RPRD2: variants seen among roughly 807,000 people sequenced by gnomAD.
RPRD2 encodes regulation of nuclear pre-mRNA domain-containing protein 2.
In RPRD2, 12 loss-of-function variants were observed where a neutral mutation model predicts 104.4. The observed-to-expected ratio is 0.11, with a 90% CI of 0.07 to 0.19. The LOEUF (loss-of-function observed/expected upper bound fraction) is 0.19, where lower values mean the gene tolerates loss of function less well. Among genes scored for constraint, RPRD2 ranks in the 10% least tolerant of loss-of-function variants. The probability of loss-of-function intolerance (pLI) is 1.00; values close to 1 mark genes in which losing one functional copy is unlikely to be tolerated. For synonymous variants in RPRD2, 714 were observed against 684.9 expected (o/e 1.04, Z -0.66); for missense variants, 1,543 against 1,790.1 (o/e 0.86, Z 2.49).
intron 2 of RPRD2, among the ~76,000 whole-genome samples, chr1:150,435,037 A>G (rs367948213): frequency 6.6e-6 from 1 of 152,124 alleles, no homozygotes; most frequent in African/African-American, 2.4e-5. Flanking sequence ...ACATATGCTC[A>G]TTCATGTCTC....
intron 2 of RPRD2, among the ~76,000 whole-genome samples, chr1:150,438,060 G>A (rs981359873): frequency 1.1e-4 from 16 of 149,846 alleles, no homozygotes; most frequent in Non-Finnish European, 2.1e-4. Context: ...GAGGCAGGCA[G>A]ATCATGAGGT....
At chr1:150,403,665 G>T (rs74589051) in intron 1 of RPRD2, among the ~76,000 whole-genome samples, 39,900 of 150,102 alleles carry the variant, frequency 0.27, 6,411 homozygotes, top group African/African-American at 0.45. Flanking sequence ...ATTTTTTTTT[G>T]TGTGTGACAG....
At chr1:150,367,078 G>C (rs1287565849) in intron 1 of RPRD2, among the ~76,000 whole-genome samples, 1 of 152,198 alleles carries the variant, frequency 6.6e-6, no homozygotes, top group Admixed American at 6.5e-5. Context: ...GGAGGGCAGT[G>C]TGTCAGTTGA....
chr1:150,413,820 G>A (rs1191664099), intron 1 of RPRD2, among the ~76,000 whole-genome samples: 1 of 151,438 alleles, frequency 6.6e-6, no homozygotes, highest in Non-Finnish European at 1.5e-5. Flanking sequence ...AGCTACTCGG[G>A]AGGCTGAGGC....
intron 1 of RPRD2, among the ~76,000 whole-genome samples, chr1:150,401,361 G>T (rs587745291): frequency 2.0e-5 from 3 of 152,034 alleles, no homozygotes; most frequent in African/African-American, 7.2e-5. Context: ...GGTGGTGCAA[G>T]CCTGTAGTTA....
chr1:150,429,996 G>A (rs1553891311), intron 2 of RPRD2, among the ~76,000 whole-genome samples: 1 of 152,202 alleles, frequency 6.6e-6, no homozygotes, highest in Non-Finnish European at 1.5e-5. Context: ...TGTGTAATTA[G>A]CTCCCCCTGG....
chr1:150,443,256 C>G lies in RPRD2; in HGVS notation c.540C>G (p.Leu180=). ...CATCTACAAATCCAAAAGCTGCTCT[C>G]AAGTCTAAGATAGTTGCTGAATTTC... ...SQTSTNPKAA[L]KSKIVAEFRS... Residue 180 remains leucine (L), a synonymous_variant, in exon 5 of 11, where the codon CTC becomes CTG. Coordinates refer to ENST00000369068, the MANE Select transcript of RPRD2 (RefSeq NM_015203.5). 6.3e-7 allele frequency: 1 copy of G among 1,577,446 alleles called. No homozygotes were observed. The highest frequency in any genetic ancestry group is 8.6e-7 in the Non-Finnish European group (1 of 1,159,932).
At chr1:150,381,694 C>T (rs868985101) in intron 1 of RPRD2, among the ~76,000 whole-genome samples, 1 of 151,834 alleles carries the variant, frequency 6.6e-6, no homozygotes, top group Non-Finnish European at 1.5e-5. Context: ...TTAGTAGAGA[C>T]GGGGTTTCAC....
chr1:150,379,724 A>G (rs1392208479), intron 1 of RPRD2, among the ~76,000 whole-genome samples: 1 of 151,970 alleles, frequency 6.6e-6, no homozygotes, highest in African/African-American at 2.4e-5. Context: ...TTTAGTAGAG[A>G]TGGGATTTCA....
At chr1:150,396,377 C>G (rs982372272) in intron 1 of RPRD2, among the ~76,000 whole-genome samples, 1 of 151,974 alleles carries the variant, frequency 6.6e-6, no homozygotes. Flanking sequence ...AGCTTTATAT[C>G]TTTGTTTTTA....
chr1:150,452,552 C>T (rs1204181825), intron 7 of RPRD2, among the ~76,000 whole-genome samples: 2 of 151,838 alleles, frequency 1.3e-5, no homozygotes, highest in African/African-American at 2.4e-5. Context: ...GGACTTGAAT[C>T]CTATTTACTC....
intron 1 of RPRD2, among the ~76,000 whole-genome samples, chr1:150,380,778 C>T (rs1661067909): frequency 6.6e-6 from 1 of 152,108 alleles, no homozygotes; most frequent in Non-Finnish European, 1.5e-5. Flanking sequence ...CCTCAGCCTC[C>T]CGAGTAGCTG....
At chr1:150,452,999 T>C (rs1383605497) in intron 7 of RPRD2, among the ~76,000 whole-genome samples, 1 of 150,768 alleles carries the variant, frequency 6.6e-6, no homozygotes, top group Non-Finnish European at 1.5e-5. Context: ...TTTCTAACAG[T>C]GTAAAACCTT....
At chr1:150,436,592 C>T (rs1391972916) in intron 2 of RPRD2, among the ~76,000 whole-genome samples, 1 of 149,336 alleles carries the variant, frequency 6.7e-6, no homozygotes, top group Non-Finnish European at 1.5e-5. Context: ...GAGCAAGACT[C>T]CGTCTCAATT....
At chr1:150,381,726 G>T (rs1318902743) in intron 1 of RPRD2, among the ~76,000 whole-genome samples, 5 of 151,792 alleles carry the variant, frequency 3.3e-5, no homozygotes, top group African/African-American at 1.2e-4. Flanking sequence ...GGATGGTCTC[G>T]ATCTCCTAAC....
intron 6 of RPRD2, 65 bp downstream of exon 6, chr1:150,444,442 T>TCC: frequency 6.6e-7 from 1 of 1,519,578 alleles, no homozygotes; most frequent in South Asian, 1.2e-5. Context: ...TTTCCAGTAA[T>TCC]CATACTGGTT....
chr1:150,382,489 G>A (rs1230900874), intron 1 of RPRD2, among the ~76,000 whole-genome samples: 14 of 152,056 alleles, frequency 9.2e-5, no homozygotes, highest in Admixed American at 8.5e-4. Flanking sequence ...CTCTTGAGTA[G>A]CTGGGATTAC....
chr1:150,458,524 G>T (rs199557699), intron 8 of RPRD2, among the ~76,000 whole-genome samples: 1 of 151,536 alleles, frequency 6.6e-6, no homozygotes, highest in Admixed American at 6.6e-5. Context: ...CTCTCCCAAA[G>T]AGTTAAAATA....
intron 1 of RPRD2, among the ~76,000 whole-genome samples, chr1:150,396,510 A>G (rs1464777182): frequency 6.6e-6 from 1 of 152,208 alleles, no homozygotes; most frequent in African/African-American, 2.4e-5. Flanking sequence ...TCCTTGATCC[A>G]TGTTGAGTTA....
Sources: allele counts gnomAD v4.1 joint callset (sites outside exome capture counted in the v4.1 genomes callset), GRCh38; gene constraint gnomAD v4.1.1; transcripts MANE v1.5; gene names NCBI Gene and HGNC (gene_info 2026-07-23, HGNC 2026-07-21).